CSMD1: variants seen among roughly 807,000 people sequenced by gnomAD.
CSMD1 encodes the protein CUB and sushi domain-containing protein 1.
CSMD1 carries 213 observed loss-of-function variants against 417.5 expected under a neutral mutation model. That is an observed-to-expected ratio of 0.51 (90% CI 0.46 to 0.57). The LOEUF (loss-of-function observed/expected upper bound fraction) is 0.57. Ranked by LOEUF, CSMD1 falls within the 20% of genes least tolerant of loss-of-function variation. CSMD1 has a pLI of 0.00. For synonymous variants in CSMD1, 2,862 were observed against 1,736.8 expected (o/e 1.65, Z -16.11); for missense variants, 6,923 against 4,529.7 (o/e 1.53, Z -15.17).
At chr8:3,210,376 A>C (rs574400791) in intron 30 of CSMD1, among the ~76,000 whole-genome samples, 1 of 42,034 alleles carries the variant, frequency 2.4e-5, no homozygotes, top group African/African-American at 1.3e-4. Flanking sequence ...CAGACATGGA[A>C]ACTGAAACAG....
intron 3 of CSMD1, among the ~76,000 whole-genome samples, chr8:4,194,670 T>C (rs1044436218): frequency 6.6e-6 from 1 of 152,120 alleles, no homozygotes; most frequent in Admixed American, 6.5e-5. Flanking sequence ...TTTAATAAAA[T>C]GGGGAAAAGG....
At chr8:4,022,022 A>T (rs1188887661) in intron 4 of CSMD1, among the ~76,000 whole-genome samples, 1 of 151,634 alleles carries the variant, frequency 6.6e-6, no homozygotes, top group Non-Finnish European at 1.5e-5. Context: ...CAACACTGGA[A>T]AGTCCAGGTG....
chr8:3,065,623 A>G (rs138049461), intron 49 of CSMD1, among the ~76,000 whole-genome samples: 1 of 152,340 alleles, frequency 6.6e-6, no homozygotes, highest in East Asian at 1.9e-4. Context: ...GGAAGATGAT[A>G]GGAAGATAGA....
At chr8:4,186,690 CTAAA>C (rs1387615789) in intron 3 of CSMD1, among the ~76,000 whole-genome samples, 1 of 151,970 alleles carries the variant, frequency 6.6e-6, no homozygotes, top group Non-Finnish European at 1.5e-5. Flanking sequence ...TCTATTAAGA[CTAAA>C]TATTTTTTTC....
intron 3 of CSMD1, among the ~76,000 whole-genome samples, chr8:4,237,970 G>C: frequency 6.6e-6 from 1 of 152,172 alleles, no homozygotes; most frequent in East Asian, 1.9e-4. Flanking sequence ...TCCTGGGTTG[G>C]CTCAGGGTGA....
In CSMD1 at chr8:3,665,926, G is replaced by A. The variant is rs547348349; in HGVS notation, c.1009+42488C>T. Among the ~76,000 whole-genome samples the A allele has an allele frequency of 5.3e-5, 8 of 152,164 alleles. No homozygotes were observed. The South Asian group carries it at 1.7e-3, about 32-fold the overall frequency. ...GGAGTCGCACTCTGTCACCCAGGCTGGAGTGCAGTGGAGTGGCCTCAGCTC... is the reference window on the plus strand; with the variant it reads ...GGAGTCGCACTCTGTCACCCAGGCTAGAGTGCAGTGGAGTGGCCTCAGCTC... On this transcript the variant is annotated intron_variant, in intron 7 of 69. Coordinates refer to ENST00000635120, the MANE Select transcript of CSMD1 (RefSeq NM_033225.6).
intron 1 of CSMD1, among the ~76,000 whole-genome samples, chr8:4,893,857 C>A (rs747754610): frequency 5.9e-5 from 9 of 151,996 alleles, no homozygotes; most frequent in Non-Finnish European, 8.8e-5. Context: ...TTGTTCTTAC[C>A]CCTTTTTTCC....
chr8:4,828,848 C>T (rs1365324966), intron 1 of CSMD1, among the ~76,000 whole-genome samples: 1 of 152,066 alleles, frequency 6.6e-6, no homozygotes, highest in African/African-American at 2.4e-5. Flanking sequence ...CAATACTGCC[C>T]ACAGAACCTT....
intron 21 of CSMD1, among the ~76,000 whole-genome samples, chr8:3,354,901 A>ATCTATAGATATG: frequency 2.8e-5 from 4 of 143,590 alleles, no homozygotes; most frequent in African/African-American, 1.1e-4. Context: ...CTATCTATAG[A>ATCTATAGATATG]TCTATCTATA....
chr8:4,691,101 C>G (rs1203695174), intron 1 of CSMD1, among the ~76,000 whole-genome samples: 1 of 152,094 alleles, frequency 6.6e-6, no homozygotes, highest in African/African-American at 2.4e-5. Context: ...TGGATTTTCC[C>G]CATCTTTATG....
At chr8:3,281,606 ACT>A (rs1235536822) in intron 26 of CSMD1, among the ~76,000 whole-genome samples, 1 of 152,090 alleles carries the variant, frequency 6.6e-6, no homozygotes, top group Non-Finnish European at 1.5e-5. Flanking sequence ...CGTGATTCTA[ACT>A]CTGTGACTTT....
rs536288020 is a variant in CSMD1 at position 3,010,827 on chromosome 8, T to G, written c.8029+7650A>C. Among the ~76,000 whole-genome samples, 201 of 151,260 alleles carry G rather than the reference T, an allele frequency of 1.3e-3. 2 individuals are homozygous for G. The highest frequency in any genetic ancestry group is 4.6e-3 in the African/African-American group (189 of 41,180). The stretch of plus-strand genomic sequence containing the variant: ...GGCATGATCTCGGCTCACTGCAACC[T>G]CCACCTCCCGGGTTCACGCGATTCT... On this transcript the variant is annotated intron_variant, in intron 52 of 69. Coordinates refer to ENST00000635120, the MANE Select transcript of CSMD1 (RefSeq NM_033225.6).
At chr8:4,210,267 T>C (rs1800228368) in intron 3 of CSMD1, among the ~76,000 whole-genome samples, 1 of 152,220 alleles carries the variant, frequency 6.6e-6, no homozygotes, top group Non-Finnish European at 1.5e-5. Flanking sequence ...TCTTTGTTTG[T>C]TTCTTTGATG....
chr8:4,771,356 G>C (rs1292445130), intron 1 of CSMD1, among the ~76,000 whole-genome samples: 1 of 152,202 alleles, frequency 6.6e-6, no homozygotes, highest in African/African-American at 2.4e-5. Context: ...AAGAACACCA[G>C]GCTTTGGGCC....
chr8:4,728,239 T>G (rs1217015929), intron 1 of CSMD1, among the ~76,000 whole-genome samples: 1 of 149,858 alleles, frequency 6.7e-6, no homozygotes, highest in African/African-American at 2.4e-5. Flanking sequence ...ATCCTACACC[T>G]AATGATATGA....
chr8:3,042,867 A>G (rs1361301581), intron 50 of CSMD1, among the ~76,000 whole-genome samples: 1 of 151,508 alleles, frequency 6.6e-6, no homozygotes, highest in Admixed American at 6.6e-5. Flanking sequence ...ATACGTACAC[A>G]GAGTACTATA....
At chr8:4,385,728 G>A (rs934039944) in intron 3 of CSMD1, among the ~76,000 whole-genome samples, 7 of 152,056 alleles carry the variant, frequency 4.6e-5, no homozygotes, top group African/African-American at 7.2e-5. Flanking sequence ...CAACCCATAC[G>A]TTGAAAATTA....
chr8:4,699,580 A>G (rs1042598288), intron 1 of CSMD1, among the ~76,000 whole-genome samples: 2 of 151,980 alleles, frequency 1.3e-5, no homozygotes, highest in Non-Finnish European at 2.9e-5. Context: ...TAATTTAACC[A>G]ATAAGAATAT....
chr8:4,611,640 TTTG>T (rs1456728644), intron 2 of CSMD1, among the ~76,000 whole-genome samples: 1 of 152,190 alleles, frequency 6.6e-6, no homozygotes, highest in Non-Finnish European at 1.5e-5. Flanking sequence ...TGTAAGTCAT[TTTG>T]TTAAGAGAAA....
Sources: allele counts gnomAD v4.1 joint callset (sites outside exome capture counted in the v4.1 genomes callset), GRCh38; gene constraint gnomAD v4.1.1; transcripts MANE v1.5; gene names NCBI Gene and HGNC (gene_info 2026-07-23, HGNC 2026-07-21).